The following GPC5 variants were observed in gnomAD, a reference collection of about 807,000 sequenced individuals.
GPC5 encodes the protein glypican 5, also known as glypican-5.
A neutral mutation model predicts 53.9 loss-of-function variants in GPC5; 47 were observed. That is an observed-to-expected ratio of 0.87 (90% CI 0.69 to 1.11). The LOEUF is 1.11. GPC5 is among the 50% of genes most tolerant of loss of function. GPC5 has a pLI of 0.00. For synonymous variants in GPC5, 286 were observed against 263.3 expected (o/e 1.09, Z -0.84); for missense variants, 748 against 713.1 (o/e 1.05, Z -0.56).
intron 6 of GPC5, among the ~76,000 whole-genome samples, chr13:91,967,244 G>A (rs1269040853): frequency 6.6e-6 from 1 of 152,028 alleles, no homozygotes; most frequent in Non-Finnish European, 1.5e-5. Context: ...AGAGAAAACT[G>A]CCCCATGATT....
At chr13:91,750,107 G>A (rs574718276) in intron 4 of GPC5, among the ~76,000 whole-genome samples, 9 of 152,256 alleles carry the variant, frequency 5.9e-5, no homozygotes, top group African/African-American at 2.2e-4. Flanking sequence ...CACCATGCCT[G>A]GCCTGTATGG....
At chr13:92,624,415 AC>A (rs1413809808) in intron 7 of GPC5, among the ~76,000 whole-genome samples, 1 of 152,076 alleles carries the variant, frequency 6.6e-6, no homozygotes, top group Non-Finnish European at 1.5e-5. Flanking sequence ...ATCTAGGCAA[AC>A]CCTTTAATGG....
chr13:92,801,493 C>G (rs956026135), intron 7 of GPC5, among the ~76,000 whole-genome samples: 16 of 151,710 alleles, frequency 1.1e-4, no homozygotes, highest in African/African-American at 3.9e-4. Flanking sequence ...GACTATATTA[C>G]TGATTTGAGT....
rs147783537 is a variant in GPC5, at chr13:91,952,616, A to G, written c.1401+44559A>G. 3.0e-3 allele frequency among the ~76,000 whole-genome samples: 458 copies of G among 152,292 alleles called. 3 individuals are homozygous for G. The highest frequency in any genetic ancestry group is 0.011 in the African/African-American group (446 of 41,574). On this transcript the variant is annotated intron_variant, in intron 6 of 7. Transcript: ENST00000377067. ...GGAATGAAGCAATAAGGATCCCCCA[A>G]TGAGAGTATATGCTTGAGAAGTGTA... is the stretch of plus-strand genomic sequence containing the variant.
intron 5 of GPC5, among the ~76,000 whole-genome samples, chr13:91,904,887 G>C (rs1457803501): frequency 2.6e-5 from 4 of 152,060 alleles, no homozygotes; most frequent in African/African-American, 9.7e-5. Context: ...CCTGAGCCAA[G>C]CCTGGTCCTC....
intron 7 of GPC5, among the ~76,000 whole-genome samples, chr13:92,797,818 A>ATGAT (rs977455914): frequency 8.3e-6 from 1 of 120,278 alleles, no homozygotes; most frequent in African/African-American, 3.0e-5. Context: ...TATTCAAGGG[A>ATGAT]TGATAGATAG....
intron 6 of GPC5, among the ~76,000 whole-genome samples, chr13:92,030,782 G>A (rs1366500455): frequency 1.3e-5 from 2 of 152,194 alleles, no homozygotes; most frequent in African/African-American, 4.8e-5. Flanking sequence ...TTTGCAGCGG[G>A]GAAGAGCCTG....
chr13:91,541,001 A>G (rs1185632099), intron 2 of GPC5, among the ~76,000 whole-genome samples: 1 of 152,164 alleles, frequency 6.6e-6, no homozygotes, highest in Non-Finnish European at 1.5e-5. Flanking sequence ...TCACATTATT[A>G]TGTATTTTAA....
intron 2 of GPC5, among the ~76,000 whole-genome samples, chr13:91,586,207 A>G (rs900785593): frequency 4.6e-5 from 7 of 151,394 alleles, no homozygotes; most frequent in African/African-American, 1.5e-4. Flanking sequence ...AGACTTATTT[A>G]TTTATGTAAA....
At chr13:92,673,281 T>C (rs987555696) in intron 7 of GPC5, among the ~76,000 whole-genome samples, 4 of 146,770 alleles carry the variant, frequency 2.7e-5, no homozygotes, top group Non-Finnish European at 4.5e-5. Context: ...TTTTTCTTTT[T>C]CTTTTTCTTT....
chr13:92,653,059 G>A (rs1187914828), intron 7 of GPC5, among the ~76,000 whole-genome samples: 4 of 152,032 alleles, frequency 2.6e-5, no homozygotes, highest in African/African-American at 9.7e-5. Context: ...GGTAATCCTA[G>A]GACTCACCAA....
chr13:91,930,167 C>G (rs548373345), intron 6 of GPC5, among the ~76,000 whole-genome samples: 1 of 151,940 alleles, frequency 6.6e-6, no homozygotes, highest in East Asian at 1.9e-4. Context: ...ATGGATAGAA[C>G]GACCATGAAG....
intron 6 of GPC5, among the ~76,000 whole-genome samples, chr13:92,127,228 T>C (rs754302380): frequency 6.6e-5 from 10 of 151,376 alleles, no homozygotes; most frequent in Non-Finnish European, 1.2e-4. Flanking sequence ...GGAAGCTAGT[T>C]TGAACCAAAA....
At chr13:92,555,181 C>T (rs1882452206) in intron 7 of GPC5, among the ~76,000 whole-genome samples, 2 of 151,184 alleles carry the variant, frequency 1.3e-5, no homozygotes, top group Admixed American at 1.3e-4. Context: ...AAGATACATA[C>T]ACATTATCTG....
chr13:92,161,348 A>T (rs772136255), intron 7 of GPC5, among the ~76,000 whole-genome samples: 1 of 152,204 alleles, frequency 6.6e-6, no homozygotes, highest in African/African-American at 2.4e-5. Flanking sequence ...TCCCTGCCAC[A>T]GTGCCTCCAA....
chr13:91,689,224 T>C (rs1368517962), intron 2 of GPC5, among the ~76,000 whole-genome samples: 15 of 108,794 alleles, frequency 1.4e-4, no homozygotes, highest in African/African-American at 5.2e-4. Flanking sequence ...TATATATATA[T>C]ATATATACAC....
chr13:92,125,784 G>A (rs1040045658), intron 6 of GPC5, among the ~76,000 whole-genome samples: 2 of 152,082 alleles, frequency 1.3e-5, no homozygotes, highest in African/African-American at 2.4e-5. Flanking sequence ...ATGGTATAGT[G>A]CAAAGTAGTA....
At chr13:91,935,008 A>T (rs2039856513) in intron 6 of GPC5, among the ~76,000 whole-genome samples, 1 of 152,014 alleles carries the variant, frequency 6.6e-6, no homozygotes, top group African/African-American at 2.4e-5. Flanking sequence ...TGTGAGCTAG[A>T]TTTGCATTTG....
At chr13:92,268,760 TAA>T (rs1428092310) in intron 7 of GPC5, among the ~76,000 whole-genome samples, 1 of 152,128 alleles carries the variant, frequency 6.6e-6, no homozygotes, top group African/African-American at 2.4e-5. Flanking sequence ...GCTTTATGTC[TAA>T]ACAGTATCAG....
Sources: allele counts gnomAD v4.1 joint callset (sites outside exome capture counted in the v4.1 genomes callset), GRCh38; gene constraint gnomAD v4.1.1; transcripts MANE v1.5; gene names NCBI Gene and HGNC (gene_info 2026-07-23, HGNC 2026-07-21).